RBM20: variants seen among roughly 807,000 people sequenced by gnomAD.
RBM20 encodes RNA-binding protein 20.
A neutral mutation model predicts 110.1 loss-of-function variants in RBM20; 51 were observed. The ratio of observed to expected loss-of-function variants is 0.46; its 90% CI spans 0.37 to 0.59. The LOEUF (loss-of-function observed/expected upper bound fraction) is 0.59, where lower values mean the gene tolerates loss of function less well. Among genes scored for constraint, RBM20 ranks in the 20% least tolerant of loss-of-function variants. The probability of loss-of-function intolerance (pLI) is 0.00; values close to 1 mark genes in which losing one functional copy is unlikely to be tolerated. For synonymous variants in RBM20, 589 were observed against 618.2 expected (o/e 0.95, Z 0.70); for missense variants, 1,512 against 1,574.9 (o/e 0.96, Z 0.68).
At chr10:110,782,594 T>C (rs775717134) in intron 2 of RBM20, among the ~76,000 whole-genome samples, 2 of 152,212 alleles carry the variant, frequency 1.3e-5, no homozygotes, top group Non-Finnish European at 2.9e-5. Context: ...ATTTTCATTT[T>C]ACAGATGAGA....
At chr10:110,645,204 C>T (rs1160643716) in intron 1 of RBM20, among the ~76,000 whole-genome samples, 2 of 152,122 alleles carry the variant, frequency 1.3e-5, no homozygotes, top group Admixed American at 6.5e-5. Context: ...TTAATGTTAC[C>T]ATCTTGTGAC....
intron 1 of RBM20, among the ~76,000 whole-genome samples, chr10:110,680,975 T>C (rs1477461299): frequency 6.6e-6 from 1 of 152,214 alleles, no homozygotes; most frequent in Non-Finnish European, 1.5e-5. Context: ...TTTGCGTAAT[T>C]ACAGACATGA....
In RBM20 at chr10:110,686,381, C is replaced by A. The variant is rs1347060992; in HGVS notation, c.191+41736C>A. 2.0e-5 allele frequency among the ~76,000 whole-genome samples: 3 copies of A among 152,132 alleles called. No individual in the cohort carries two copies. The East Asian group carries it at 5.8e-4, about 29-fold the overall frequency. On this transcript the variant is annotated intron_variant, in intron 1 of 13. Coordinates refer to ENST00000369519, the MANE Select transcript of RBM20 (RefSeq NM_001134363.3). ...TGATGGAAGTATGAGCCTCCTTCCC[C>A]CGATCCCACCCCCACACAATTTAGC...
At chr10:110,712,438 G>T (rs1217356060) in intron 1 of RBM20, among the ~76,000 whole-genome samples, 1 of 152,228 alleles carries the variant, frequency 6.6e-6, no homozygotes, top group Non-Finnish European at 1.5e-5. Context: ...AGGTTGGCTA[G>T]AATATTTCAA....
intron 7 of RBM20, among the ~76,000 whole-genome samples, chr10:110,801,888 A>C (rs1844630741): frequency 6.6e-6 from 1 of 151,760 alleles, no homozygotes. Context: ...TTGCGCATGG[A>C]GATTGAGCAC....
intron 1 of RBM20, among the ~76,000 whole-genome samples, chr10:110,755,417 A>G (rs1667267780): frequency 6.6e-6 from 1 of 152,162 alleles, no homozygotes; most frequent in Non-Finnish European, 1.5e-5. Context: ...TCAGCTCTTC[A>G]GTGTTTTTAT....
At chr10:110,819,615 ACTCTGACTGTGC>A (rs1376932536) in intron 9 of RBM20, among the ~76,000 whole-genome samples, 1 of 152,162 alleles carries the variant, frequency 6.6e-6, no homozygotes, top group Non-Finnish European at 1.5e-5. Flanking sequence ...GTGTGAGGGC[ACTCTGACTGTGC>A]CCTTTCTACC....
At chr10:110,800,038 C>A in intron 7 of RBM20, 120 bp downstream of exon 7, 1 of 960,748 alleles carries the variant, frequency 1.0e-6, no homozygotes, top group Non-Finnish European at 1.6e-6. Flanking sequence ...TCAGAAATTA[C>A]ACACTGCCTT....
At chr10:110,698,867 C>A (rs1324272523) in intron 1 of RBM20, among the ~76,000 whole-genome samples, 2 of 152,168 alleles carry the variant, frequency 1.3e-5, no homozygotes, top group Non-Finnish European at 2.9e-5. Context: ...CTCAGCCCAG[C>A]CAGACAGACC....
At chr10:110,676,048 A>T (rs187125735) in intron 1 of RBM20, among the ~76,000 whole-genome samples, 10 of 152,348 alleles carry the variant, frequency 6.6e-5, no homozygotes, top group Admixed American at 5.2e-4. Flanking sequence ...GCTAACGGAT[A>T]GTGGGCGCTG....
rs1843704740 is a variant in RBM20 at position 110,739,593 on chromosome 10, G to C, written c.192-41208G>C. 1.3e-5 allele frequency among the ~76,000 whole-genome samples: 2 copies of C among 152,340 alleles called. No homozygotes were observed. The highest frequency in any genetic ancestry group is 3.9e-4 in the East Asian group (2 of 5,192). On this transcript the variant is annotated intron_variant, in intron 1 of 13. Transcript: ENST00000369519. The surrounding 1 kb of genome is among the most constrained non-coding windows in gnomAD (Gnocchi z 4.1). ...CCAGTTTTCTACAGCCTTCCAGAAA[G>C]AACTCAACTCGAGGACTGACGTGGT...
At chr10:110,775,498 CTTG>C (rs1844249889) in intron 1 of RBM20, among the ~76,000 whole-genome samples, 1 of 152,186 alleles carries the variant, frequency 6.6e-6, no homozygotes. Context: ...CAGCTGTGTC[CTTG>C]TTATTCCACA....
At chr10:110,726,892 G>C (rs764852691) in intron 1 of RBM20, among the ~76,000 whole-genome samples, 1 of 152,156 alleles carries the variant, frequency 6.6e-6, no homozygotes, top group Non-Finnish European at 1.5e-5. Context: ...TATCGCCCAG[G>C]CTGGAGTGCA....
At chr10:110,762,087 CAA>C (rs1379798561) in intron 1 of RBM20, among the ~76,000 whole-genome samples, 1 of 152,194 alleles carries the variant, frequency 6.6e-6, no homozygotes, top group Non-Finnish European at 1.5e-5. Context: ...AGTGGAAATA[CAA>C]AGTCTTTGGA....
chr10:110,750,437 C>T (rs907279673), intron 1 of RBM20, among the ~76,000 whole-genome samples: 14 of 152,154 alleles, frequency 9.2e-5, no homozygotes, highest in South Asian at 2.1e-4. Context: ...CCCTTGCCAG[C>T]GCTCACATTT....
At chr10:110,743,072 C>T (rs569415652) in intron 1 of RBM20, among the ~76,000 whole-genome samples, 10 of 152,264 alleles carry the variant, frequency 6.6e-5, no homozygotes, top group South Asian at 4.1e-4. Flanking sequence ...GGCAGGGTTC[C>T]GAAAACCTCA....
At chr10:110,744,534 G>C (rs572910088) in intron 1 of RBM20, among the ~76,000 whole-genome samples, 2 of 152,310 alleles carry the variant, frequency 1.3e-5, no homozygotes, top group South Asian at 4.2e-4. Context: ...CTAGCAACTT[G>C]ATGGAAACGC....
chr10:110,819,807 C>T (rs1008963463), intron 9 of RBM20, among the ~76,000 whole-genome samples: 26 of 152,168 alleles, frequency 1.7e-4, no homozygotes, highest in African/African-American at 5.3e-4. Context: ...CTAAAGACAT[C>T]GGGCCAGGCT....
intron 7 of RBM20, among the ~76,000 whole-genome samples, chr10:110,806,447 G>T (rs773314007): frequency 4.7e-4 from 71 of 152,302 alleles, no homozygotes; most frequent in Non-Finnish European, 7.8e-4. Flanking sequence ...AGGAGTTAGA[G>T]TGGGAGCAGG....
Sources: gnomAD v4.1 joint callset for allele counts (sites outside exome capture counted in the v4.1 genomes callset) on GRCh38, gnomAD v4.1.1 for gene constraint, Gnocchi (gnomAD v3.1) non-coding constraint, MANE v1.5 for transcripts, NCBI Gene and HGNC (gene_info 2026-07-23, HGNC 2026-07-21) for gene names.